AKAP19: variants seen among roughly 807,000 people sequenced by gnomAD.
AKAP19 encodes the protein A-kinase anchoring protein 19.
the AKAP19 span, among the ~76,000 whole-genome samples, chr2:189,892,041 G>T: frequency 6.6e-6 from 1 of 151,472 alleles, no homozygotes; most frequent in Admixed American, 6.6e-5. Context: ...TGATACTTGT[G>T]TATGCTTCAC....
the AKAP19 span, among the ~76,000 whole-genome samples, chr2:189,982,692 CT>C: frequency 3.1e-4 from 46 of 148,148 alleles, no homozygotes; most frequent in Non-Finnish European, 6.1e-4. Flanking sequence ...TTTTTTAATC[CT>C]TTTTTCCCTT....
chr2:190,192,275 A>C, the AKAP19 span, among the ~76,000 whole-genome samples: 1 of 151,898 alleles, frequency 6.6e-6, no homozygotes, highest in African/African-American at 2.4e-5. Context: ...TTATGGGTGT[A>C]TCTCTGGACT....
the AKAP19 span, among the ~76,000 whole-genome samples, chr2:190,170,295 AG>A: frequency 2.0e-4 from 30 of 152,206 alleles, no homozygotes; most frequent in Non-Finnish European, 3.4e-4. Flanking sequence ...ATTTGGGAGC[AG>A]GGGGGAACAC....
At chr2:190,101,673 T>C in the AKAP19 span, among the ~76,000 whole-genome samples, 2 of 150,888 alleles carry the variant, frequency 1.3e-5, no homozygotes, top group Admixed American at 1.3e-4. Flanking sequence ...CCAGATTCAT[T>C]TAGGAAAAAA....
the AKAP19 span, among the ~76,000 whole-genome samples, chr2:190,118,389 G>C: frequency 4.6e-5 from 7 of 152,158 alleles, no homozygotes; most frequent in East Asian, 1.9e-4. Flanking sequence ...CATCCTGATA[G>C]CAAAGCCTGG....
chr2:190,202,350 C>T, the AKAP19 span: 1 of 166,928 alleles, frequency 6.0e-6, no homozygotes, highest in African/African-American at 2.4e-5. Flanking sequence ...TAACCCATGA[C>T]ATATATGAAC....
At chr2:190,134,083 C>T in the AKAP19 span, among the ~76,000 whole-genome samples, 1 of 151,928 alleles carries the variant, frequency 6.6e-6, no homozygotes, top group African/African-American at 2.4e-5. Context: ...ATGTTGTATA[C>T]CATAAATATA....
the AKAP19 span, among the ~76,000 whole-genome samples, chr2:189,932,160 T>C: frequency 6.6e-6 from 1 of 152,152 alleles, no homozygotes; most frequent in African/African-American, 2.4e-5. Flanking sequence ...TTCCTCAGTC[T>C]TTCTTTTTAT....
At chr2:189,967,819 C>A in the AKAP19 span, among the ~76,000 whole-genome samples, 4 of 149,274 alleles carry the variant, frequency 2.7e-5, no homozygotes, top group Non-Finnish European at 4.4e-5. Flanking sequence ...AATGAGACCC[C>A]ATCTCTAAAA....
the AKAP19 span, among the ~76,000 whole-genome samples, chr2:189,957,443 T>C: frequency 6.6e-6 from 1 of 152,180 alleles, no homozygotes; most frequent in Non-Finnish European, 1.5e-5. Context: ...ATAGAAAAGT[T>C]TTCAGAAATC....
the AKAP19 span, among the ~76,000 whole-genome samples, chr2:189,979,427 C>T: frequency 6.6e-6 from 1 of 152,140 alleles, no homozygotes; most frequent in African/African-American, 2.4e-5. Flanking sequence ...CAATAATTAA[C>T]TCAAGATGGA....
chr2:190,004,922 C>G, the AKAP19 span, among the ~76,000 whole-genome samples: 30 of 152,192 alleles, frequency 2.0e-4, no homozygotes, highest in Non-Finnish European at 4.4e-4. Flanking sequence ...ACTGTGTCCG[C>G]AATTCATTCC....
At chr2:190,089,929 T>C in the AKAP19 span, among the ~76,000 whole-genome samples, 3 of 152,204 alleles carry the variant, frequency 2.0e-5, no homozygotes, top group East Asian at 5.8e-4. Context: ...GGTTCAATTG[T>C]GCTAGGAGTC....
At chr2:190,133,497 G>C in the AKAP19 span, among the ~76,000 whole-genome samples, 1 of 152,156 alleles carries the variant, frequency 6.6e-6, no homozygotes, top group East Asian at 1.9e-4. Context: ...GTGAAAAGCA[G>C]TATGAAGGTT....
At chr2:190,037,306 T>C in the AKAP19 span, among the ~76,000 whole-genome samples, 1 of 152,230 alleles carries the variant, frequency 6.6e-6, no homozygotes, top group Admixed American at 6.5e-5. Context: ...GTTTAGGATG[T>C]CCAAGAATTT....
chr2:189,935,314 A>G, the AKAP19 span, among the ~76,000 whole-genome samples: 1 of 152,028 alleles, frequency 6.6e-6, no homozygotes, highest in African/African-American at 2.4e-5. Context: ...AAAAAGATAC[A>G]AAGTGAATCA....
At chr2:189,983,060 G>A in the AKAP19 span, among the ~76,000 whole-genome samples, 3 of 152,116 alleles carry the variant, frequency 2.0e-5, no homozygotes, top group Non-Finnish European at 4.4e-5. Context: ...CCCTGATTGG[G>A]GCTGACGGGT....
chr2:190,100,472 A>G, the AKAP19 span, among the ~76,000 whole-genome samples: 1 of 152,226 alleles, frequency 6.6e-6, no homozygotes, highest in Non-Finnish European at 1.5e-5. Flanking sequence ...ACTTTTCCAC[A>G]GAGAACTCTC....
the AKAP19 span, among the ~76,000 whole-genome samples, chr2:190,089,820 C>CT: frequency 6.6e-6 from 1 of 152,100 alleles, no homozygotes; most frequent in African/African-American, 2.4e-5. Context: ...AGTCTTAGGA[C>CT]TCTTGAGGAC....
Sources: allele counts gnomAD v4.1 joint callset (sites outside exome capture counted in the v4.1 genomes callset), GRCh38; gene constraint gnomAD v4.1.1; transcripts MANE v1.5; gene names NCBI Gene and HGNC (gene_info 2026-07-23, HGNC 2026-07-21).